Variants in PTPN4 observed in about 807,000 individuals in gnomAD.
The protein encoded by PTPN4 is tyrosine-protein phosphatase non-receptor type 4.
Under a neutral mutation model 135.5 loss-of-function variants are expected in PTPN4, and 49 were observed. That is an observed-to-expected ratio of 0.36 (90% confidence interval 0.29 to 0.46). The LOEUF (loss-of-function observed/expected upper bound fraction) is 0.46, where lower values mean the gene tolerates loss of function less well. Among genes scored for constraint, PTPN4 ranks in the 20% least tolerant of loss-of-function variants. The pLI, the probability that PTPN4 is intolerant of heterozygous loss-of-function variation, is 1.00. For missense variants in PTPN4, 860 were observed against 1,101.0 expected (o/e 0.78, Z 3.10); for synonymous variants, 333 against 369.9 (o/e 0.90, Z 1.14).
At chr2:119,932,871 C>T (rs1397262150) in intron 14 of PTPN4, among the ~76,000 whole-genome samples, 1 of 152,118 alleles carries the variant, frequency 6.6e-6, no homozygotes. Context: ...TTGTTGTTGA[C>T]ATACTCATTT....
At chr2:119,764,720 C>A (rs961337691) in intron 1 of PTPN4, among the ~76,000 whole-genome samples, 11 of 151,490 alleles carry the variant, frequency 7.3e-5, no homozygotes, top group Non-Finnish European at 1.6e-4. Context: ...ATAGGAATAG[C>A]GTCTTTTGTA....
At chr2:119,771,964 A>G (rs1469355630) in intron 1 of PTPN4, among the ~76,000 whole-genome samples, 1 of 152,168 alleles carries the variant, frequency 6.6e-6, no homozygotes, top group Non-Finnish European at 1.5e-5. Context: ...TTATCTCTCC[A>G]TCTCTCTATA....
intron 5 of PTPN4, 122 bp from the exon 6 acceptor site, chr2:119,881,664 A>G: frequency 1.6e-6 from 1 of 636,320 alleles, no homozygotes; most frequent in East Asian, 3.1e-5. Flanking sequence ...ATGTTTTAAT[A>G]TGTAAATTAT....
chr2:119,938,103 C>CT (rs1358576840), intron 15 of PTPN4, among the ~76,000 whole-genome samples: 11 of 146,138 alleles, frequency 7.5e-5, no homozygotes, highest in African/African-American at 2.8e-4. Context: ...ACGAATAGTA[C>CT]TTTTTTTTAA....
At chr2:119,925,576 AAATGAAGTAGG>A (rs917025713) in intron 12 of PTPN4, among the ~76,000 whole-genome samples, 7 of 152,338 alleles carry the variant, frequency 4.6e-5, no homozygotes, top group South Asian at 4.1e-4. Context: ...GACATCTTGT[AAATGAAGTAGG>A]AATGAAGTAG....
At chr2:119,919,665 A>G (rs888673657) in intron 11 of PTPN4, among the ~76,000 whole-genome samples, 1 of 152,070 alleles carries the variant, frequency 6.6e-6, no homozygotes, top group Non-Finnish European at 1.5e-5. Flanking sequence ...TCTACTAAAC[A>G]TAGAAAAAGT....
chr2:119,974,215 T>A (rs1679580439), intron 26 of PTPN4, among the ~76,000 whole-genome samples: 1 of 152,124 alleles, frequency 6.6e-6, no homozygotes. Context: ...TTTTGTTTTG[T>A]TTTGTTTTGT....
intron 1 of PTPN4, among the ~76,000 whole-genome samples, chr2:119,799,667 T>TA (rs1476304674): frequency 1.3e-5 from 2 of 152,212 alleles, no homozygotes; most frequent in African/African-American, 4.8e-5. Flanking sequence ...AATTCACTCT[T>TA]CTTGGAACTG....
intron 2 of PTPN4, among the ~76,000 whole-genome samples, chr2:119,847,277 C>T (rs2941613): frequency 0.4 from 33,071 of 83,262 alleles, 6,346 homozygotes; most frequent in African/African-American, 0.61. Context: ...ACTCTATATA[C>T]ACACACACAC....
intron 3 of PTPN4, among the ~76,000 whole-genome samples, chr2:119,865,850 A>T (rs991887676): frequency 6.6e-6 from 1 of 152,138 alleles, no homozygotes; most frequent in East Asian, 1.9e-4. Context: ...TTGAGTTTAT[A>T]ATTGATAAAC....
chr2:119,965,196 A>G (rs1025676431), intron 24 of PTPN4, among the ~76,000 whole-genome samples: 9 of 152,162 alleles, frequency 5.9e-5, no homozygotes, highest in African/African-American at 1.2e-4. Flanking sequence ...GCAGGACCCA[A>G]AAGAATGTCT....
At chr2:119,820,766 ATT>A (rs1419595884) in intron 2 of PTPN4, among the ~76,000 whole-genome samples, 1 of 152,078 alleles carries the variant, frequency 6.6e-6, no homozygotes, top group Non-Finnish European at 1.5e-5. Flanking sequence ...ATTATTTAAC[ATT>A]CTTTTCAATA....
At chr2:119,955,135 T>C (rs763817486) in intron 19 of PTPN4, 22 bp from the exon 20 acceptor site, 1 of 1,568,996 alleles carries the variant, frequency 6.4e-7, no homozygotes, top group East Asian at 2.3e-5. Flanking sequence ...GTTTTGGGGT[T>C]TGTTTGATTT....
chr2:119,802,570 C>T (rs1193382802), intron 1 of PTPN4, among the ~76,000 whole-genome samples: 1 of 152,150 alleles, frequency 6.6e-6, no homozygotes, highest in East Asian at 1.9e-4. Flanking sequence ...ATAAAACCCC[C>T]TTGGTACATG....
intron 3 of PTPN4, among the ~76,000 whole-genome samples, chr2:119,874,865 A>T (rs1231109790): frequency 6.6e-6 from 1 of 152,180 alleles, no homozygotes; most frequent in Non-Finnish European, 1.5e-5. Flanking sequence ...TCCTCCATTG[A>T]GATGGTACAA....
intron 18 of PTPN4, among the ~76,000 whole-genome samples, chr2:119,949,163 G>A (rs1679177127): frequency 6.6e-6 from 1 of 151,870 alleles, no homozygotes; most frequent in African/African-American, 2.4e-5. Context: ...ACATATTGTT[G>A]GTAATTTTTC....
chr2:119,800,526 CTTT>C (rs70949371), intron 1 of PTPN4, among the ~76,000 whole-genome samples: 1 of 142,306 alleles, frequency 7.0e-6, no homozygotes, highest in African/African-American at 2.6e-5. Flanking sequence ...GTTTTGCAGG[CTTT>C]TTTTTTTTTA....
At chr2:119,810,168 A>G (rs1224511719) in intron 2 of PTPN4, among the ~76,000 whole-genome samples, 177 bp downstream of exon 2, 1 of 152,200 alleles carries the variant, frequency 6.6e-6, no homozygotes, top group African/African-American at 2.4e-5. Context: ...GGGTCTTTTT[A>G]AAAAGTGTTG....
intron 2 of PTPN4, among the ~76,000 whole-genome samples, chr2:119,853,353 T>G (rs1677625137): frequency 6.6e-6 from 1 of 152,176 alleles, no homozygotes; most frequent in Non-Finnish European, 1.5e-5. Context: ...TTCAATTCTG[T>G]TTTACTTTTT....
Sources: gnomAD v4.1 joint callset for allele counts (sites outside exome capture counted in the v4.1 genomes callset) on GRCh38, gnomAD v4.1.1 for gene constraint, MANE v1.5 for transcripts, NCBI Gene and HGNC (gene_info 2026-07-23, HGNC 2026-07-21) for gene names.